IRAG1: variants seen among roughly 807,000 people sequenced by gnomAD.
IRAG1 encodes the protein inositol 1,4,5-triphosphate receptor associated 1.
IRAG1 carries 62 observed loss-of-function variants against 106.2 expected under a neutral mutation model. That is an observed-to-expected ratio of 0.58 (90% CI 0.48 to 0.72). The LOEUF (loss-of-function observed/expected upper bound fraction) is 0.72, where lower values mean the gene tolerates loss of function less well. Ranked by LOEUF, IRAG1 falls within the 30% of genes least tolerant of loss-of-function variation. IRAG1 has a pLI of 0.00. For missense variants in IRAG1, 1,064 were observed against 1,140.7 expected (o/e 0.93, Z 0.97); for synonymous variants, 462 against 443.9 (o/e 1.04, Z -0.51).
intron 10 of IRAG1, among the ~76,000 whole-genome samples, chr11:10,610,306 A>G (rs935797061): frequency 7.2e-5 from 11 of 152,250 alleles, no homozygotes; most frequent in Admixed American, 3.3e-4. Flanking sequence ...CTTAGAAATT[A>G]ACATCTGATT....
At position 10,668,680 on chromosome 11, in the gene IRAG1, G is replaced by A. The variant is rs111275391; in HGVS notation, c.68-16498C>T. Among the ~76,000 whole-genome samples, 177 of 152,136 alleles carry A rather than the reference G, an allele frequency of 1.2e-3. 1 individual carries two copies. The highest frequency in any genetic ancestry group is 4.0e-3 in the African/African-American group (168 of 41,496). ...ATTGCAATTATTTTTTTATAGTTTC[G>A]TCTCCCCTATTTGGCTGAGAGACAC... is the stretch of plus-strand genomic sequence containing the variant. On this transcript the variant is annotated intron_variant, in intron 1 of 20. Transcript: ENST00000423302.
intron 10 of IRAG1, among the ~76,000 whole-genome samples, chr11:10,622,135 T>C (rs547110352): frequency 6.6e-6 from 1 of 151,544 alleles, no homozygotes; most frequent in Non-Finnish European, 1.5e-5. Context: ...TAAAAAATAG[T>C]CCCCCACCCC....
At chr11:10,641,822 C>T (rs566283163) in intron 2 of IRAG1, among the ~76,000 whole-genome samples, 83 of 152,258 alleles carry the variant, frequency 5.5e-4, no homozygotes, top group South Asian at 4.8e-3. Flanking sequence ...TTTTGATCTC[C>T]ACTTTATCAA....
At chr11:10,650,775 G>A (rs1858419027) in intron 2 of IRAG1, among the ~76,000 whole-genome samples, 1 of 152,042 alleles carries the variant, frequency 6.6e-6, no homozygotes, top group South Asian at 2.1e-4. Flanking sequence ...AGGGCTAGGG[G>A]GTTGGCCCAC....
intron 11 of IRAG1, among the ~76,000 whole-genome samples, chr11:10,607,770 C>T (rs1237880897): frequency 3.9e-5 from 6 of 152,162 alleles, no homozygotes; most frequent in Non-Finnish European, 8.8e-5. Flanking sequence ...GGCTGGTTCT[C>T]ACCCCTAGGG....
intron 10 of IRAG1, among the ~76,000 whole-genome samples, chr11:10,610,937 A>C (rs964425): frequency 3.3e-5 from 5 of 152,084 alleles, no homozygotes; most frequent in African/African-American, 9.6e-5. Context: ...GTAGCTTTCC[A>C]ATCTGCTCAA....
At chr11:10,615,755 G>A (rs540108585) in intron 10 of IRAG1, among the ~76,000 whole-genome samples, 2 of 151,820 alleles carry the variant, frequency 1.3e-5, no homozygotes, top group Non-Finnish European at 2.9e-5. Context: ...ACACAGGAAG[G>A]GGAACATCAC....
intron 1 of IRAG1, among the ~76,000 whole-genome samples, chr11:10,686,300 A>G (rs1247285776): frequency 6.6e-6 from 1 of 152,144 alleles, no homozygotes; most frequent in East Asian, 1.9e-4. Context: ...AGACTGGGTG[A>G]CCTCGGCAAC....
intron 3 of IRAG1, among the ~76,000 whole-genome samples, chr11:10,632,955 C>T (rs1169305130): frequency 1.3e-5 from 2 of 152,172 alleles, no homozygotes; most frequent in South Asian, 2.1e-4. Flanking sequence ...TGCTTGTATC[C>T]TCCTTTGAAC....
chr11:10,655,454 T>TA (rs141557281), intron 1 of IRAG1, among the ~76,000 whole-genome samples: 1,753 of 152,334 alleles, frequency 0.012, 44 homozygotes, highest in African/African-American at 0.04. Flanking sequence ...AAAGAATAGA[T>TA]GTCATAACTA....
intron 1 of IRAG1, 174 bp from the exon 2 acceptor site, chr11:10,652,356 C>T (rs927896831): frequency 7.0e-7 from 1 of 1,435,364 alleles, no homozygotes; most frequent in African/African-American, 1.4e-5. Context: ...GGCTCTCTGG[C>T]TTTGTTTACA....
At chr11:10,631,930 C>A in intron 4 of IRAG1, 61 bp downstream of exon 4, 1 of 1,455,114 alleles carries the variant, frequency 6.9e-7, no homozygotes, top group South Asian at 1.1e-5. Flanking sequence ...GGAGTCAAGC[C>A]CAGCCACGCT....
intron 18 of IRAG1, among the ~76,000 whole-genome samples, chr11:10,588,341 C>CT (rs368074962): frequency 0.016 from 2,269 of 146,162 alleles, 35 homozygotes; most frequent in African/African-American, 0.049. Context: ...TAGAGGGAAA[C>CT]TTTTTTTTTT....
intron 10 of IRAG1, among the ~76,000 whole-genome samples, chr11:10,618,626 T>G (rs1042851595): frequency 5.9e-5 from 9 of 152,068 alleles, no homozygotes; most frequent in African/African-American, 1.9e-4. Flanking sequence ...AAAAGTGACA[T>G]GAGCAGATAT....
At chr11:10,606,867 G>A in intron 11 of IRAG1, 95 bp from the exon 12 acceptor site, 1 of 1,199,030 alleles carries the variant, frequency 8.3e-7, no homozygotes, top group Non-Finnish European at 1.2e-6. Context: ...TGTTTCCAGG[G>A]GTGGAGTAAG....
rs1850731738 is a variant in IRAG1 at position 10,574,674 on chromosome 11, G to A, written c.*1658C>T. On this transcript the variant is annotated 3_prime_UTR_variant, in exon 21 of 21. Coordinates refer to ENST00000423302, the MANE Select transcript of IRAG1 (RefSeq NM_130385.4). ...GAACAGCTGGAAAAAAAACTAGTGA[G>A]TGGAGGTCCAGCACTATGAGAGAAA... 6.6e-6 allele frequency: 1 copy of A among 152,190 alleles called. No individual in the cohort carries two copies. Among genetic ancestry groups the A allele is most frequent in the Non-Finnish European group, 1.5e-5 (1 of 68,048 alleles). The allele number at this position is 152,190 out of a possible 1,614,324, so 9.4% of individuals were successfully genotyped here.
intron 12 of IRAG1, among the ~76,000 whole-genome samples, chr11:10,604,926 G>T (rs1004510310): frequency 1.3e-5 from 2 of 152,204 alleles, no homozygotes; most frequent in African/African-American, 4.8e-5. Flanking sequence ...TGCATGAGGG[G>T]TTTTGGAGAT....
chr11:10,580,684 A>G (rs1025587547), intron 19 of IRAG1, 95 bp from the exon 20 acceptor site: 8 of 1,385,904 alleles, frequency 5.8e-6, no homozygotes, highest in Non-Finnish European at 7.9e-6. Flanking sequence ...CAGCACCTCC[A>G]ATAATTATGT....
At chr11:10,683,005 G>A (rs192731855) in intron 1 of IRAG1, among the ~76,000 whole-genome samples, 1 of 152,324 alleles carries the variant, frequency 6.6e-6, no homozygotes, top group East Asian at 1.9e-4. Flanking sequence ...AGTAGAGTAT[G>A]TCATCCAGGG....
Sources: gnomAD v4.1 joint callset for allele counts (sites outside exome capture counted in the v4.1 genomes callset) on GRCh38, gnomAD v4.1.1 for gene constraint, MANE v1.5 for transcripts, NCBI Gene and HGNC (gene_info 2026-07-23, HGNC 2026-07-21) for gene names.